The following MAGI3 variants were observed in gnomAD, a reference collection of about 807,000 sequenced individuals.
MAGI3 encodes membrane associated guanylate kinase, WW and PDZ domain containing 3.
A neutral mutation model predicts 121.8 loss-of-function variants in MAGI3; 43 were observed. The observed-to-expected ratio is 0.35, with a 90% confidence interval of 0.28 to 0.46. MAGI3 has a LOEUF of 0.46. Ranked by LOEUF, MAGI3 falls within the 20% of genes least tolerant of loss-of-function variation. The pLI is 1.00. For missense variants in MAGI3, 1,547 were observed against 1,797.3 expected (o/e 0.86, Z 2.52); for synonymous variants, 553 against 639.3 (o/e 0.86, Z 2.04).
chr1:113,571,924 T>C (rs1256290879), intron 2 of MAGI3, among the ~76,000 whole-genome samples: 6 of 152,158 alleles, frequency 3.9e-5, no homozygotes, highest in Admixed American at 2.0e-4. Flanking sequence ...GAACTTCCAA[T>C]ACTACGTTGA....
Position 113,567,254 on chromosome 1 carries a change from A to G in MAGI3, c.434-13288A>G, listed in dbSNP as rs535621135. ...AATCATAAAGAAATAAAAAATCTGA[A>G]AAGACCTATAATGAGTGTGGAGATT... is the stretch of plus-strand genomic sequence containing the variant. On this transcript the variant is annotated intron_variant, in intron 2 of 20. Transcript: ENST00000307546. 7.2e-5 allele frequency among the ~76,000 whole-genome samples: 11 copies of G among 152,134 alleles called. No homozygotes were observed. The South Asian group carries it at 1.9e-3, about 26-fold the overall frequency.
At chr1:113,608,749 C>T (rs2101765746) in intron 6 of MAGI3, among the ~76,000 whole-genome samples, 1 of 152,300 alleles carries the variant, frequency 6.6e-6, no homozygotes, top group African/African-American at 2.4e-5. Flanking sequence ...TGGAAATGTT[C>T]CTCCCATTCT....
intron 9 of MAGI3, among the ~76,000 whole-genome samples, chr1:113,641,033 T>TATAATATATATGATATATG: frequency 8.1e-5 from 1 of 12,370 alleles, no homozygotes; most frequent in Admixed American, 5.6e-4. Flanking sequence ...ATATATATGA[T>TATAATATATATGATATATG]ATATATAATA....
intron 9 of MAGI3, among the ~76,000 whole-genome samples, chr1:113,628,659 T>C (rs1008659987): frequency 6.6e-6 from 1 of 152,212 alleles, no homozygotes; most frequent in Admixed American, 6.5e-5. Context: ...TTCTCCTTCA[T>C]GCTTACAGGA....
chr1:113,513,266 G>GA (rs1320074036), intron 1 of MAGI3, among the ~76,000 whole-genome samples: 4 of 152,014 alleles, frequency 2.6e-5, no homozygotes, highest in Admixed American at 6.6e-5. Context: ...CACAGAATTG[G>GA]AAAAAACTAC....
At chr1:113,639,066 C>T (rs1314673309) in intron 9 of MAGI3, among the ~76,000 whole-genome samples, 2 of 152,196 alleles carry the variant, frequency 1.3e-5, no homozygotes, top group East Asian at 1.9e-4. Context: ...CCTGGTGCGC[C>T]GTTTTTTAAG....
chr1:113,531,258 C>T (rs559450112), intron 1 of MAGI3, among the ~76,000 whole-genome samples: 1 of 152,014 alleles, frequency 6.6e-6, no homozygotes, highest in Non-Finnish European at 1.5e-5. Context: ...GTCACTGGAA[C>T]AATTATTTAG....
In MAGI3 at chr1:113,473,266, A is replaced by G. The variant is rs551784562; in HGVS notation, c.317-76249A>G. Among the ~76,000 whole-genome samples the G allele has an allele frequency of 1.1e-4, 17 of 151,180 alleles. No homozygotes were observed. The East Asian group carries it at 2.9e-3, about 26-fold the overall frequency. On this transcript the variant is annotated intron_variant, in intron 1 of 20. Transcript: ENST00000307546. ...TTTTCTTCCAGTACTTTATTTATTT[A>G]TTTTTTTATTATACTTTAAGTTCTA...
chr1:113,417,302 G>C (rs538703947), intron 1 of MAGI3, among the ~76,000 whole-genome samples: 2 of 152,230 alleles, frequency 1.3e-5, no homozygotes, highest in South Asian at 4.1e-4. Context: ...ACCTTATAAT[G>C]TATTTCAACG....
At chr1:113,530,599 A>AG (rs1658664621) in intron 1 of MAGI3, among the ~76,000 whole-genome samples, 1 of 145,852 alleles carries the variant, frequency 6.9e-6, no homozygotes, top group African/African-American at 2.4e-5. Context: ...CTAAAATAAA[A>AG]GTTAAAAAAA....
chr1:113,685,326 T>C lies in MAGI3; in HGVS notation c.*1312T>C, dbSNP rs1237395508. ...CCCTGAAGCAGCATTCAGTAGCATC[T>C]ATATAAATAAAGGCACCTTCTGAGA... is the stretch of plus-strand genomic sequence containing the variant. On this transcript the variant is annotated 3_prime_UTR_variant, in exon 21 of 21. Coordinates refer to ENST00000307546, the MANE Select transcript of MAGI3 (RefSeq NM_001142782.2). 2.6e-5 allele frequency: 4 copies of C among 152,376 alleles called. No homozygotes were observed. The highest frequency in any genetic ancestry group is 4.4e-5 in the Non-Finnish European group (3 of 68,044). 9.4% of individuals were successfully genotyped at this position (152,376 alleles called of 1,614,324 possible).
At chr1:113,401,625 G>T (rs1234757956) in intron 1 of MAGI3, among the ~76,000 whole-genome samples, 1 of 151,976 alleles carries the variant, frequency 6.6e-6, no homozygotes, top group African/African-American at 2.4e-5. Flanking sequence ...TTTTGTTCTT[G>T]TGTTTCCTTT....
intron 1 of MAGI3, among the ~76,000 whole-genome samples, chr1:113,451,433 A>G (rs1410350356): frequency 6.6e-6 from 1 of 152,176 alleles, no homozygotes; most frequent in African/African-American, 2.4e-5. Context: ...AATCTTTAAA[A>G]TTGTACACAA....
At chr1:113,629,339 T>G (rs1651449690) in intron 9 of MAGI3, among the ~76,000 whole-genome samples, 1 of 152,222 alleles carries the variant, frequency 6.6e-6, no homozygotes, top group Admixed American at 6.5e-5. Flanking sequence ...GTTATCTTGA[T>G]TTTTTGTTGT....
chr1:113,619,495 C>T (rs890324999), intron 7 of MAGI3, among the ~76,000 whole-genome samples: 1 of 152,040 alleles, frequency 6.6e-6, no homozygotes, highest in African/African-American at 2.4e-5. Context: ...ATATTGGGTA[C>T]GTTTATGAAG....
chr1:113,571,536 T>C (rs1469555050), intron 2 of MAGI3, among the ~76,000 whole-genome samples: 1 of 152,148 alleles, frequency 6.6e-6, no homozygotes, highest in Non-Finnish European at 1.5e-5. Context: ...ATGGAATGTT[T>C]TTCCATTTGT....
At chr1:113,401,960 TC>T (rs1411901518) in intron 1 of MAGI3, among the ~76,000 whole-genome samples, 1 of 152,186 alleles carries the variant, frequency 6.6e-6, no homozygotes, top group Non-Finnish European at 1.5e-5. Flanking sequence ...TGTTATGTTT[TC>T]TCTCTGGGCT....
At chr1:113,416,005 CAT>C (rs1295596872) in intron 1 of MAGI3, among the ~76,000 whole-genome samples, 5 of 128,014 alleles carry the variant, frequency 3.9e-5, no homozygotes, top group Non-Finnish European at 6.6e-5. Context: ...TAATTAATTA[CAT>C]ATATTAATTA....
rs71090712 is a variant in MAGI3 at position 113,611,936 on chromosome 1, C to CTTATTTATTTATTTATTTAT, written c.1019-2650_1019-2631dup. Reference sequence around the variant, plus strand: ...ATCATCTCCCTCTCCCTAATCCCAACTTATTTATTTATTTATTTATTTATT... The same window carrying CTTATTTATTTATTTATTTAT: ...ATCATCTCCCTCTCCCTAATCCCAACTTATTTATTTATTTATTTATTTATTTATTTATTTATTTATTTATT... On this transcript the variant is annotated intron_variant, in intron 6 of 20. Coordinates refer to ENST00000307546, the MANE Select transcript of MAGI3 (RefSeq NM_001142782.2). Among the ~76,000 whole-genome samples the CTTATTTATTTATTTATTTAT allele has an allele frequency of 2.3e-3, 317 of 138,870 alleles. 1 individual carries two copies. Among genetic ancestry groups the CTTATTTATTTATTTATTTAT allele is most frequent in the South Asian group, 4.0e-3 (17 of 4,232 alleles). The allele number at this position is 138,870 out of a possible 152,430, so 91.1% of individuals were successfully genotyped here. A position where few individuals can be genotyped will look rare whatever the true frequency, so the allele number is the denominator to read the frequency against.
Sources: allele counts gnomAD v4.1 joint callset (sites outside exome capture counted in the v4.1 genomes callset), GRCh38; gene constraint gnomAD v4.1.1; transcripts MANE v1.5; gene names NCBI Gene and HGNC (gene_info 2026-07-23, HGNC 2026-07-21).